FREM2: variants seen among roughly 807,000 people sequenced by gnomAD.
The protein encoded by FREM2 is FRAS1 related extracellular matrix 2, also known as FRAS1-related extracellular matrix protein 2.
In FREM2, 119 loss-of-function variants were observed where a neutral mutation model predicts 219.9. The observed-to-expected ratio is 0.54, with a 90% confidence interval of 0.47 to 0.63. The LOEUF (loss-of-function observed/expected upper bound fraction) is 0.63, where lower values mean the gene tolerates loss of function less well. Among genes scored for constraint, FREM2 ranks in the 30% least tolerant of loss-of-function variants. The pLI, the probability that FREM2 is intolerant of heterozygous loss-of-function variation, is 0.00. For missense variants in FREM2, 4,030 were observed against 3,993.6 expected, an observed-to-expected ratio of 1.01 and a Z score of -0.25; for synonymous variants, 1,562 against 1,522.8, an observed-to-expected ratio of 1.03 and a Z score of -0.60.
rs374955641 is a variant in FREM2 at position 38,859,460 on chromosome 13, G to T, written c.7389G>T (p.Lys2463Asn). ...TCGACACCTTTTTTACGTCATCCAA[G>T]ATGGTCACACTGGACTCCATATACT... The part of the protein sequence containing the change: ...VDFDTFFTSS[K>N]MVTLDSIYFQ... The change falls in exon 14 of 24, where the codon AAG (lysine) becomes AAT (asparagine). Residue 2463 changes from lysine to asparagine, a missense_variant. By Grantham distance (94) the Lys-to-Asn change is moderately conservative. This residue lies in a region of FREM2 where 928 missense variants were observed against 1,042.9 expected (regional missense o/e 0.89). Transcript: ENST00000280481. 6.6e-5 allele frequency: 107 copies of T among 1,614,000 alleles called. No individual in the cohort carries two copies. Among genetic ancestry groups the T allele is most frequent in the Non-Finnish European group, 8.6e-5 (102 of 1,180,030 alleles).
At chr13:38,784,449 A>T in intron 5 of FREM2, 108 bp from the exon 6 acceptor site, 1 of 1,245,378 alleles carries the variant, frequency 8.0e-7, no homozygotes, top group East Asian at 2.4e-5. Context: ...AGGGGTGTTC[A>T]TGTCTACTAA....
rs1871737516 is a variant in FREM2 at position 38,730,864 on chromosome 13, G to A, written c.5263+33077G>A. 2.0e-5 allele frequency among the ~76,000 whole-genome samples: 3 copies of A among 150,856 alleles called. No individual in the cohort carries two copies. In the South Asian group the frequency reaches 6.3e-4, roughly 31 times the overall value. On this transcript the variant is annotated intron_variant, in intron 2 of 23. Coordinates refer to ENST00000280481, the MANE Select transcript of FREM2 (RefSeq NM_207361.6). ...TTATTATTCTTTAAGTTTTTGAAGT[G>A]TAAAGACTTACTCACCTACACCAAA...
intron 2 of FREM2, among the ~76,000 whole-genome samples, chr13:38,703,101 A>G (rs1372797785): frequency 6.6e-6 from 1 of 152,156 alleles, no homozygotes; most frequent in Non-Finnish European, 1.5e-5. Flanking sequence ...CAAAGAGACT[A>G]CCGGAAGCCT....
chr13:38,736,698 T>A (rs2137774508), intron 2 of FREM2, among the ~76,000 whole-genome samples: 1 of 152,056 alleles, frequency 6.6e-6, no homozygotes, highest in East Asian at 1.9e-4. Flanking sequence ...AAAGAAAAAA[T>A]TAATGGGTAG....
chr13:38,752,471 A>G (rs887097533), intron 2 of FREM2, among the ~76,000 whole-genome samples: 3 of 152,088 alleles, frequency 2.0e-5, no homozygotes, highest in African/African-American at 2.4e-5. Flanking sequence ...TTTCAATCTA[A>G]TTTTCTGGGA....
intron 18 of FREM2, 101 bp downstream of exon 18, chr13:38,874,687 C>T (rs1165505447): frequency 8.9e-6 from 8 of 896,086 alleles, no homozygotes; most frequent in African/African-American, 6.5e-5. Context: ...CACTGAAGCC[C>T]TTAATCTCAA....
intron 4 of FREM2, among the ~76,000 whole-genome samples, chr13:38,782,519 A>T (rs888405106): frequency 2.0e-5 from 3 of 152,254 alleles, no homozygotes; most frequent in Admixed American, 2.0e-4. Flanking sequence ...AAAATGTTGA[A>T]CAATGTATTA....
intron 2 of FREM2, among the ~76,000 whole-genome samples, chr13:38,731,331 G>A (rs1384712720): frequency 6.6e-6 from 1 of 152,068 alleles, no homozygotes; most frequent in East Asian, 1.9e-4. Context: ...TAGATAAATT[G>A]GCTTTTAAAA....
intron 6 of FREM2, among the ~76,000 whole-genome samples, chr13:38,804,838 G>C (rs937889882): frequency 2.3e-4 from 35 of 152,248 alleles, no homozygotes; most frequent in African/African-American, 8.4e-4. Flanking sequence ...TTATGTGGAA[G>C]GTTTAATGCC....
In FREM2 at chr13:38,851,670, T is replaced by C. The variant is rs1330141357; in HGVS notation, c.6743-16T>C. Reference sequence around the variant, plus strand: ...TTACTAACAATTTCATTTGTCTTTGTTTCCCACAATTTTAGAGACTGTTAT... The same window carrying C: ...TTACTAACAATTTCATTTGTCTTTGCTTCCCACAATTTTAGAGACTGTTAT... On this transcript the variant is annotated splice_polypyrimidine_tract_variant and intron_variant, in intron 10 of 23. Transcript: ENST00000280481. 1 of 1,576,478 alleles carries C rather than the reference T, an allele frequency of 6.3e-7. No homozygotes were observed. Among genetic ancestry groups the C allele is most frequent in the Admixed American group, 1.7e-5 (1 of 59,982 alleles).
rs1874086408 is a variant in FREM2 at position 38,780,712 on chromosome 13, C to A, written c.5642-2358C>A. On this transcript the variant is annotated intron_variant, in intron 4 of 23. Transcript: ENST00000280481. Reference sequence around the variant, plus strand: ...CAAAGACAACTTTTTTGGCAATCAGCCTCCAGTGGTCAGGATCTGATGATG... The same window carrying A: ...CAAAGACAACTTTTTTGGCAATCAGACTCCAGTGGTCAGGATCTGATGATG... Among the ~76,000 whole-genome samples, 6 of 152,268 alleles carry A rather than the reference C, an allele frequency of 3.9e-5. No homozygotes were observed. In the South Asian group the frequency reaches 1.2e-3, roughly 32 times the overall value.
chr13:38,708,241 A>G (rs1362971236), intron 2 of FREM2, among the ~76,000 whole-genome samples: 2 of 152,188 alleles, frequency 1.3e-5, no homozygotes, highest in Non-Finnish European at 2.9e-5. Flanking sequence ...TGCTCGATAA[A>G]TATTTATTGA....
intron 20 of FREM2, 130 bp from the exon 21 acceptor site, chr13:38,876,987 T>G: frequency 9.3e-7 from 1 of 1,074,172 alleles, no homozygotes; most frequent in Non-Finnish European, 1.4e-6. Context: ...GTTAGCTTGG[T>G]AGGGTGTGAA....
chr13:38,880,916 G>A lies in FREM2; in HGVS notation c.*129G>A. 2.8e-6 allele frequency: 3 copies of A among 1,080,898 alleles called. No individual in the cohort carries two copies. Among genetic ancestry groups the A allele is most frequent in the Admixed American group, 2.0e-5 (1 of 50,304 alleles). The allele number at this position is 1,080,898 out of a possible 1,614,324, so 67.0% of individuals were successfully genotyped here. Reference sequence around the variant, plus strand: ...ATGAAGCTGCTTAGAGAATATGACTGTACTAATGGAGTTTGATTTGAATTC... The same window carrying A: ...ATGAAGCTGCTTAGAGAATATGACTATACTAATGGAGTTTGATTTGAATTC... On this transcript the variant is annotated 3_prime_UTR_variant, in exon 24 of 24. Coordinates refer to ENST00000280481, the MANE Select transcript of FREM2 (RefSeq NM_207361.6).
At chr13:38,702,674 T>C (rs1870388350) in intron 2 of FREM2, among the ~76,000 whole-genome samples, 1 of 152,058 alleles carries the variant, frequency 6.6e-6, no homozygotes, top group Non-Finnish European at 1.5e-5. Flanking sequence ...AAAATTAGAA[T>C]ACATGATCAC....
chr13:38,791,753 G>T (rs1874570725), intron 6 of FREM2, among the ~76,000 whole-genome samples: 1 of 152,168 alleles, frequency 6.6e-6, no homozygotes, highest in South Asian at 2.1e-4. Context: ...GGTGAGATTT[G>T]CATGGGGACA....
At chr13:38,716,276 A>T (rs1870996252) in intron 2 of FREM2, among the ~76,000 whole-genome samples, 2 of 152,158 alleles carry the variant, frequency 1.3e-5, no homozygotes, top group South Asian at 4.1e-4. Context: ...GGTCTGTCCC[A>T]CTACCAGCTC....
At chr13:38,787,664 T>C (rs1476896222) in intron 6 of FREM2, among the ~76,000 whole-genome samples, 1 of 151,844 alleles carries the variant, frequency 6.6e-6, no homozygotes, top group Non-Finnish European at 1.5e-5. Context: ...GAGAAATCTA[T>C]AAAGATTAAA....
rs1869756609 is a variant in FREM2, at chr13:38,690,140, T to C, written c.2796T>C (p.Asn932=). 5 of 1,614,128 alleles carry C rather than the reference T, an allele frequency of 3.1e-6. No individual in the cohort carries two copies. In the East Asian group the frequency reaches 1.1e-4, roughly 36 times the overall value. ...HHVVPITLRV[N]VRPVDDEVPI... is the part of the protein sequence containing the mutation. ...TGGTGCCCATCACTCTCAGAGTAAA[T>C]GTCCGGCCAGTGGATGATGAAGTGC... The change falls in exon 1 of 24, where the codon AAT becomes AAC. Residue 932 remains asparagine (N), a synonymous_variant. Coordinates refer to ENST00000280481, the MANE Select transcript of FREM2 (RefSeq NM_207361.6).
Sources: allele counts gnomAD v4.1 joint callset (sites outside exome capture counted in the v4.1 genomes callset), GRCh38; gene constraint gnomAD v4.1.1; regional missense constraint gnomAD v4.1.1; transcripts MANE v1.5; gene names NCBI Gene and HGNC (gene_info 2026-07-23, HGNC 2026-07-21).